Variants in KCNK1 observed in about 807,000 individuals in gnomAD.
KCNK1 encodes potassium two pore domain channel subfamily K member 1.
A neutral mutation model predicts 22.2 loss-of-function variants in KCNK1; 10 were observed. That is an observed-to-expected ratio of 0.45 (90% CI 0.28 to 0.76). The LOEUF is 0.76. Ranked by LOEUF, KCNK1 falls within the 30% of genes least tolerant of loss-of-function variation. KCNK1 has a pLI of 0.14. For missense variants in KCNK1, 378 were observed against 421.0 expected (o/e 0.90, Z 0.89); for synonymous variants, 200 against 186.4 (o/e 1.07, Z -0.60).
intron 1 of KCNK1, among the ~76,000 whole-genome samples, chr1:233,619,436 G>T (rs972708800): frequency 2.6e-5 from 4 of 152,082 alleles, no homozygotes; most frequent in Non-Finnish European, 2.9e-5. Context: ...AACTTAATTG[G>T]GCTTGGTGTA....
Position 233,627,538 on chromosome 1 carries a change from C to T in KCNK1, c.355+13012C>T, listed in dbSNP as rs554765612. On this transcript the variant is annotated intron_variant, in intron 1 of 2. Coordinates refer to ENST00000366621, the MANE Select transcript of KCNK1 (RefSeq NM_002245.4). Reference sequence around the variant, plus strand: ...CCCACATCGCTACCTACCTGCCACCCAGTGCTCTGACACGAGCCATCTCAG... The same window carrying T: ...CCCACATCGCTACCTACCTGCCACCTAGTGCTCTGACACGAGCCATCTCAG... Among the ~76,000 whole-genome samples, 11 of 147,836 alleles carry T rather than the reference C, an allele frequency of 7.4e-5. No homozygotes were observed. In the South Asian group the frequency reaches 2.2e-3, roughly 29 times the overall value.
At chr1:233,664,528 T>G (rs1454642820) in intron 1 of KCNK1, among the ~76,000 whole-genome samples, 1 of 152,202 alleles carries the variant, frequency 6.6e-6, no homozygotes, top group East Asian at 1.9e-4. Context: ...AGAGTAGTTC[T>G]TAACCATTTG....
intron 1 of KCNK1, among the ~76,000 whole-genome samples, chr1:233,635,391 A>G (rs1034236619): frequency 1.3e-5 from 2 of 152,290 alleles, no homozygotes; most frequent in East Asian, 3.9e-4. Context: ...TAAACAACAG[A>G]TAGTCTTTGT....
intron 1 of KCNK1, among the ~76,000 whole-genome samples, chr1:233,628,778 T>C (rs1283204518): frequency 6.6e-6 from 1 of 151,666 alleles, no homozygotes; most frequent in Non-Finnish European, 1.5e-5. Context: ...ATAATAATAA[T>C]AATAAATTTT....
intron 1 of KCNK1, among the ~76,000 whole-genome samples, chr1:233,664,030 C>T (rs1206875714): frequency 6.6e-6 from 1 of 152,110 alleles, no homozygotes; most frequent in African/African-American, 2.4e-5. Flanking sequence ...TGGGGTTTCA[C>T]CATGTTGGCC....
intron 1 of KCNK1, among the ~76,000 whole-genome samples, chr1:233,622,228 A>G (rs1341946039): frequency 6.6e-6 from 1 of 152,230 alleles, no homozygotes; most frequent in African/African-American, 2.4e-5. Flanking sequence ...TGGCAATTCC[A>G]GAAGGTTCAG....
At chr1:233,654,689 G>A (rs1486725881) in intron 1 of KCNK1, among the ~76,000 whole-genome samples, 1 of 152,130 alleles carries the variant, frequency 6.6e-6, no homozygotes, top group African/African-American at 2.4e-5. Context: ...GAGGCAGGAG[G>A]ATCCCTTAAA....
chr1:233,621,205 T>C (rs1251039020), intron 1 of KCNK1, among the ~76,000 whole-genome samples: 1 of 152,202 alleles, frequency 6.6e-6, no homozygotes, highest in Non-Finnish European at 1.5e-5. Context: ...AAGGAGGTGA[T>C]TAAGATAAAA....
chr1:233,615,047 C>A (rs1005283815), intron 1 of KCNK1, among the ~76,000 whole-genome samples: 4 of 152,230 alleles, frequency 2.6e-5, no homozygotes, highest in African/African-American at 9.6e-5. Flanking sequence ...CCGGAGTGTG[C>A]CGTCCCTTTG....
At chr1:233,656,367 G>A (rs1658294788) in intron 1 of KCNK1, among the ~76,000 whole-genome samples, 1 of 152,184 alleles carries the variant, frequency 6.6e-6, no homozygotes, top group Admixed American at 6.5e-5. Flanking sequence ...AAGTGAGGGT[G>A]GTGCGTAAAC....
In KCNK1 at chr1:233,614,610, C is replaced by G. The variant is rs1657450044; in HGVS notation, c.355+84C>G. Reference sequence around the variant, plus strand: ...CCCGGCCCCGGCGCCCCGGGCCCCTCTAACCCTCCCACCCCACCCCCCACC... The same window carrying G: ...CCCGGCCCCGGCGCCCCGGGCCCCTGTAACCCTCCCACCCCACCCCCCACC... On this transcript the variant is annotated intron_variant, in intron 1 of 2. Coordinates refer to ENST00000366621, the MANE Select transcript of KCNK1 (RefSeq NM_002245.4). 1.8e-5 allele frequency: 20 copies of G among 1,081,200 alleles called. No homozygotes were observed. In the South Asian group the frequency reaches 2.7e-4, roughly 15 times the overall value. 67.0% of individuals were successfully genotyped at this position (1,081,200 alleles called of 1,614,324 possible). A position where few individuals can be genotyped will look rare whatever the true frequency, so the allele number is the denominator to read the frequency against.
intron 2 of KCNK1, among the ~76,000 whole-genome samples, chr1:233,669,481 C>T (rs1031188915): frequency 6.6e-6 from 1 of 152,084 alleles, no homozygotes; most frequent in Non-Finnish European, 1.5e-5. Context: ...TAGATGTGGG[C>T]AGGATAAAAT....
intron 1 of KCNK1, among the ~76,000 whole-genome samples, chr1:233,641,698 C>T (rs535458412): frequency 2.6e-5 from 4 of 152,206 alleles, no homozygotes; most frequent in African/African-American, 9.6e-5. Flanking sequence ...GTTGATGAGA[C>T]AGATCCCTGT....
intron 1 of KCNK1, 32 bp downstream of exon 1, chr1:233,614,558 C>G: frequency 6.7e-7 from 1 of 1,495,048 alleles, no homozygotes; most frequent in Non-Finnish European, 9.0e-7. Context: ...CTGGCCGCCC[C>G]GGCCACCTCG....
intron 1 of KCNK1, among the ~76,000 whole-genome samples, chr1:233,645,985 G>A (rs1658085570): frequency 1.3e-5 from 2 of 152,172 alleles, no homozygotes; most frequent in Admixed American, 6.5e-5. Flanking sequence ...TACCTGAAAT[G>A]AGGAAGACTA....
chr1:233,655,079 C>T (rs1181421065), intron 1 of KCNK1, among the ~76,000 whole-genome samples: 1 of 152,190 alleles, frequency 6.6e-6, no homozygotes, highest in African/African-American at 2.4e-5. Flanking sequence ...TGGGGAGGGC[C>T]ACCACGCCCG....
At chr1:233,628,498 G>T (rs1014144951) in intron 1 of KCNK1, among the ~76,000 whole-genome samples, 1 of 152,114 alleles carries the variant, frequency 6.6e-6, no homozygotes, top group African/African-American at 2.4e-5. Flanking sequence ...GGTGGCTCAC[G>T]CCTGGAATCC....
intron 1 of KCNK1, among the ~76,000 whole-genome samples, chr1:233,656,743 C>T (rs1176587109): frequency 1.3e-5 from 2 of 152,164 alleles, no homozygotes; most frequent in East Asian, 1.9e-4. Flanking sequence ...CTCAGCCTCC[C>T]GAATAGCTGG....
intron 1 of KCNK1, among the ~76,000 whole-genome samples, chr1:233,662,238 CCTTCTTCTTCTT>C (rs147341553): frequency 1.3e-3 from 193 of 149,570 alleles, no homozygotes; most frequent in African/African-American, 2.4e-3. Flanking sequence ...TTCTTCTTCT[CCTTCTTCTTCTT>C]CTTCTTCTTC....
Sources: gnomAD v4.1 joint callset for allele counts (sites outside exome capture counted in the v4.1 genomes callset) on GRCh38, gnomAD v4.1.1 for gene constraint, MANE v1.5 for transcripts, NCBI Gene and HGNC (gene_info 2026-07-23, HGNC 2026-07-21) for gene names.